The following HDAC9 variants were observed in gnomAD, a reference collection of about 807,000 sequenced individuals.
The protein encoded by HDAC9 is histone deacetylase 9.
A neutral mutation model predicts 139.4 loss-of-function variants in HDAC9; 41 were observed. The ratio of observed to expected loss-of-function variants is 0.29; its 90% CI spans 0.23 to 0.38. The LOEUF (loss-of-function observed/expected upper bound fraction) is 0.38. HDAC9 is among the 10% of genes least tolerant of loss of function. The pLI is 1.00. For synonymous variants in HDAC9, 517 were observed against 476.2 expected, an observed-to-expected ratio of 1.09 and a Z score of -1.12; for missense variants, 1,147 against 1,297.0, an observed-to-expected ratio of 0.88 and a Z score of 1.78.
At chr7:18,138,819 A>G (rs1344053661) in intron 1 of HDAC9, among the ~76,000 whole-genome samples, 1 of 152,164 alleles carries the variant, frequency 6.6e-6, no homozygotes, top group Non-Finnish European at 1.5e-5. Context: ...ATCAGGGGCA[A>G]GGATGGAATG....
At chr7:18,927,204 G>T (rs567261694) in intron 22 of HDAC9, among the ~76,000 whole-genome samples, 1 of 152,102 alleles carries the variant, frequency 6.6e-6, no homozygotes, top group Non-Finnish European at 1.5e-5. Context: ...TTATGGTAGC[G>T]ACAATGGTTC....
At chr7:18,248,495 T>C in intron 2 of HDAC9, among the ~76,000 whole-genome samples, 1 of 152,194 alleles carries the variant, frequency 6.6e-6, no homozygotes, top group East Asian at 1.9e-4. Flanking sequence ...GGCATGAAAC[T>C]TGGTGGAATT....
At position 18,997,962 on chromosome 7, in the gene HDAC9, C is replaced by T. The variant is rs539125668; in HGVS notation, c.*1900C>T. 2.0e-5 allele frequency: 3 copies of T among 152,200 alleles called. No individual in the cohort carries two copies. In the South Asian group the frequency reaches 6.2e-4, roughly 32 times the overall value. 9.4% of individuals were successfully genotyped at this position (152,200 alleles called of 1,614,324 possible). On this transcript the variant is annotated 3_prime_UTR_variant, in exon 26 of 26. Coordinates refer to ENST00000686413, the MANE Select transcript of HDAC9 (RefSeq NM_178425.4). The stretch of plus-strand genomic sequence containing the variant: ...TGCTTTCATTGCGTAAGGGCAAATT[C>T]AGTCTAGATTCATAGTAGTAATCAA...
chr7:18,138,259 C>G (rs903639209), intron 1 of HDAC9, among the ~76,000 whole-genome samples: 7 of 151,952 alleles, frequency 4.6e-5, no homozygotes, highest in African/African-American at 1.7e-4. Flanking sequence ...AAAACCAGCT[C>G]CTGGATTCAT....
intron 13 of HDAC9, among the ~76,000 whole-genome samples, chr7:18,736,493 G>C (rs1786913116): frequency 6.6e-6 from 1 of 152,092 alleles, no homozygotes; most frequent in South Asian, 2.1e-4. Flanking sequence ...TTGAGATAAT[G>C]ATGTGGTTTT....
At chr7:18,905,335 A>T (rs1478202143) in intron 22 of HDAC9, among the ~76,000 whole-genome samples, 1 of 152,242 alleles carries the variant, frequency 6.6e-6, no homozygotes, top group Non-Finnish European at 1.5e-5. Flanking sequence ...AAGGCATTTT[A>T]TACAGAGTAG....
At chr7:18,837,233 C>T (rs2129212102) in intron 21 of HDAC9, among the ~76,000 whole-genome samples, 1 of 151,660 alleles carries the variant, frequency 6.6e-6, no homozygotes, top group African/African-American at 2.4e-5. Flanking sequence ...AAGATATCCA[C>T]AATGTTGTAG....
chr7:18,329,686 T>G (rs1800761609), intron 1 of HDAC9, among the ~76,000 whole-genome samples: 1 of 151,730 alleles, frequency 6.6e-6, no homozygotes, highest in Non-Finnish European at 1.5e-5. Flanking sequence ...CTCAAGAACA[T>G]GGGCCAGAGT....
rs558733622 is a variant in HDAC9, at chr7:18,304,749, A to G, written c.-42+14234A>G. Among the ~76,000 whole-genome samples, 15 of 152,336 alleles carry G rather than the reference A, an allele frequency of 9.8e-5. No homozygotes were observed. The South Asian group carries it at 2.7e-3, about 27-fold the overall frequency. ...CCATACATCACTTTTTAATGGGGGC[A>G]GAGTGCGTAAGCCATTTTTACGTAT... On this transcript the variant is annotated intron_variant, in intron 1 of 3. Transcript: ENST00000413509.
At position 18,570,999 on chromosome 7, in the gene HDAC9, A is replaced by G. The variant is rs978382228; in HGVS notation, c.23-14282A>G. On this transcript the variant is annotated intron_variant, in intron 2 of 25. Transcript: ENST00000686413. ...ATGCTTAGGACCTCAAAACTCACCT[A>G]TTTTAAAACTCACATATCCAAAGTG... 5.9e-5 allele frequency among the ~76,000 whole-genome samples: 9 copies of G among 152,234 alleles called. No individual in the cohort carries two copies. In the South Asian group the frequency reaches 6.2e-4, roughly 10 times the overall value.
intron 1 of HDAC9, among the ~76,000 whole-genome samples, chr7:18,488,996 G>A (rs1178604495): frequency 6.6e-6 from 1 of 151,806 alleles, no homozygotes; most frequent in African/African-American, 2.4e-5. Flanking sequence ...GTTTATTTTT[G>A]TTATTAAATT....
At chr7:18,611,950 A>T (rs1465444729) in intron 6 of HDAC9, among the ~76,000 whole-genome samples, 1 of 152,164 alleles carries the variant, frequency 6.6e-6, no homozygotes, top group Non-Finnish European at 1.5e-5. Context: ...AGGTATTTCA[A>T]AGGTGAAACC....
chr7:18,406,384 C>T (rs1341509112), intron 1 of HDAC9, among the ~76,000 whole-genome samples: 1 of 151,160 alleles, frequency 6.6e-6, no homozygotes, highest in Non-Finnish European at 1.5e-5. Context: ...TTTTCTTTTT[C>T]TTTCTTTTTT....
chr7:18,455,372 T>G (rs1793248108), intron 1 of HDAC9, among the ~76,000 whole-genome samples: 2 of 152,206 alleles, frequency 1.3e-5, no homozygotes, highest in Non-Finnish European at 1.5e-5. Context: ...TTTCTCATTT[T>G]TTTGTGTAAT....
intron 1 of HDAC9, among the ~76,000 whole-genome samples, chr7:18,125,432 CGT>C (rs10647409): frequency 0.27 from 38,617 of 142,364 alleles, 5,117 homozygotes; most frequent in South Asian, 0.43. Flanking sequence ...TATATATATG[CGT>C]GTGTGTGTGT....
chr7:18,311,695 C>T lies in HDAC9; in HGVS notation c.-42+21180C>T, dbSNP rs1047617672. On this transcript the variant is annotated intron_variant, in intron 1 of 3. Coordinates refer to the HDAC9 transcript ENST00000413509. ...TAGTCAGCTCCTTCATATTCTACTACTGTCAAGGAGGGATGAACCAAATGG... is the reference window on the plus strand; with the variant it reads ...TAGTCAGCTCCTTCATATTCTACTATTGTCAAGGAGGGATGAACCAAATGG... 4.0e-4 allele frequency among the ~76,000 whole-genome samples: 61 copies of T among 152,120 alleles called. 2 individuals are homozygous for T. The highest frequency in any genetic ancestry group is 1.8e-4 in the Non-Finnish European group (12 of 68,028).
chr7:18,532,992 A>C (rs1809544092), intron 2 of HDAC9, among the ~76,000 whole-genome samples: 1 of 152,104 alleles, frequency 6.6e-6, no homozygotes, highest in African/African-American at 2.4e-5. Context: ...ACACACACAA[A>C]TATGTACACT....
At chr7:18,531,596 A>G (rs1007679871) in intron 2 of HDAC9, among the ~76,000 whole-genome samples, 2 of 152,118 alleles carry the variant, frequency 1.3e-5, no homozygotes, top group African/African-American at 2.4e-5. Flanking sequence ...CATGACCTAT[A>G]TGTTGCTCCT....
intron 2 of HDAC9, among the ~76,000 whole-genome samples, chr7:18,174,852 G>A (rs1450533663): frequency 6.6e-6 from 1 of 152,162 alleles, no homozygotes; most frequent in Non-Finnish European, 1.5e-5. Context: ...GCACCTGCCT[G>A]TATGAGGTGT....
Sources: gnomAD v4.1 joint callset for allele counts (sites outside exome capture counted in the v4.1 genomes callset) on GRCh38, gnomAD v4.1.1 for gene constraint, MANE v1.5 for transcripts, NCBI Gene and HGNC (gene_info 2026-07-23, HGNC 2026-07-21) for gene names.